MTRES1: variants seen among roughly 807,000 people sequenced by gnomAD.
The protein encoded by MTRES1 is mitochondrial transcription rescue factor 1.
A neutral mutation model predicts 17.4 loss-of-function variants in MTRES1; 11 were observed. The ratio of observed to expected loss-of-function variants is 0.63; its 90% CI spans 0.40 to 1.05. The LOEUF (loss-of-function observed/expected upper bound fraction) is 1.05, where lower values mean the gene tolerates loss of function less well. Among genes scored for constraint, MTRES1 ranks in the 50% least tolerant of loss-of-function variants. MTRES1 has a pLI of 0.00. For synonymous variants in MTRES1, 94 were observed against 99.6 expected, an observed-to-expected ratio of 0.94 and a Z score of 0.34; for missense variants, 268 against 276.2, an observed-to-expected ratio of 0.97 and a Z score of 0.21.
At chr6:107,042,185 A>G (rs1447328773) in intron 2 of MTRES1, among the ~76,000 whole-genome samples, 1 of 151,894 alleles carries the variant, frequency 6.6e-6, no homozygotes, top group South Asian at 2.1e-4. Flanking sequence ...CTAAAAATAC[A>G]AAAAATTGGC....
intron 3 of MTRES1, among the ~76,000 whole-genome samples, chr6:107,050,101 C>A (rs1774543785): frequency 6.6e-6 from 1 of 152,202 alleles, no homozygotes; most frequent in Admixed American, 6.5e-5. Flanking sequence ...TTGGGCTGTC[C>A]ATACCTTCAG....
chr6:107,031,557 C>T (rs1421337124), intron 1 of MTRES1, among the ~76,000 whole-genome samples: 1 of 151,162 alleles, frequency 6.6e-6, no homozygotes, highest in Non-Finnish European at 1.5e-5. Context: ...ATTCTCCTGC[C>T]TCAACCTCCT....
chr6:107,050,698 T>G (rs894365112), intron 3 of MTRES1, among the ~76,000 whole-genome samples: 1 of 151,754 alleles, frequency 6.6e-6, no homozygotes. Flanking sequence ...TGCCACAGCC[T>G]TCCGAGTATT....
chr6:107,040,720 T>G (rs1774171985), intron 2 of MTRES1: 1 of 150,916 alleles, frequency 6.6e-6, no homozygotes, highest in Non-Finnish European at 1.5e-5. Flanking sequence ...AATACAAAAA[T>G]TAGCCGGGCG....
chr6:107,028,627 T>TC (rs1212237402), intron 1 of MTRES1: 1 of 152,334 alleles, frequency 6.6e-6, no homozygotes, highest in East Asian at 1.9e-4. Flanking sequence ...CTCCGAGGTC[T>TC]CCAAGTAAAG....
intron 2 of MTRES1, among the ~76,000 whole-genome samples, chr6:107,042,755 T>C (rs1271758126): frequency 6.6e-6 from 1 of 152,174 alleles, no homozygotes; most frequent in Admixed American, 6.6e-5. Context: ...CCACTCACTT[T>C]GGCTGTTGTG....
intron 2 of MTRES1, among the ~76,000 whole-genome samples, chr6:107,041,764 G>A (rs933198665): frequency 2.0e-5 from 3 of 151,736 alleles, no homozygotes; most frequent in Non-Finnish European, 4.4e-5. Context: ...TCCTGACCTC[G>A]TGATCCACCC....
chr6:107,039,085 C>T (rs1554227245), intron 1 of MTRES1, among the ~76,000 whole-genome samples: 5 of 151,848 alleles, frequency 3.3e-5, no homozygotes, highest in Admixed American at 1.3e-4. Context: ...AAAAAACAAA[C>T]ATAATTGAGA....
At chr6:107,033,771 T>C (rs1554226681) in intron 1 of MTRES1, among the ~76,000 whole-genome samples, 2 of 152,040 alleles carry the variant, frequency 1.3e-5, no homozygotes, top group South Asian at 4.1e-4. Context: ...TGAGCTGAGA[T>C]TGTACCAATG....
intron 1 of MTRES1, among the ~76,000 whole-genome samples, chr6:107,033,600 C>CCT (rs1554226667): frequency 2.6e-5 from 4 of 152,020 alleles, no homozygotes; most frequent in Non-Finnish European, 5.9e-5. Context: ...GGGCAGATCA[C>CCT]GAGGTCAGGA....
chr6:107,037,532 C>T (rs563133651), intron 1 of MTRES1, among the ~76,000 whole-genome samples: 16 of 152,172 alleles, frequency 1.1e-4, no homozygotes, highest in African/African-American at 3.6e-4. Context: ...TTAAAATTAG[C>T]GAGACCTCAT....
At chr6:107,039,659 C>T in intron 1 of MTRES1, 90 bp from the exon 2 acceptor site, 1 of 1,359,074 alleles carries the variant, frequency 7.4e-7, no homozygotes, top group South Asian at 1.5e-5. Context: ...TAGTACTGTA[C>T]ATAAAGCGTT....
At chr6:107,029,885 C>A in intron 1 of MTRES1, 1 of 591,144 alleles carries the variant, frequency 1.7e-6, no homozygotes, top group Admixed American at 3.0e-5. Context: ...GGATTATAGG[C>A]GTGAGCCACC....
At chr6:107,048,839 C>T (rs566563794) in intron 3 of MTRES1, among the ~76,000 whole-genome samples, 1 of 151,886 alleles carries the variant, frequency 6.6e-6, no homozygotes, top group South Asian at 2.1e-4. Flanking sequence ...GGTGGAACCC[C>T]CCCACCCCTG....
chr6:107,032,805 G>GC (rs1773887629), intron 1 of MTRES1, among the ~76,000 whole-genome samples: 1 of 152,208 alleles, frequency 6.6e-6, no homozygotes, highest in South Asian at 2.1e-4. Context: ...CCATTATCAA[G>GC]CAAAAAAATC....
At chr6:107,046,722 G>A (rs976080940) in intron 3 of MTRES1, among the ~76,000 whole-genome samples, 1 of 152,156 alleles carries the variant, frequency 6.6e-6, no homozygotes, top group Non-Finnish European at 1.5e-5. Context: ...CTGGCTGTCT[G>A]CGATTCAGCA....
chr6:107,045,671 T>C (rs1490926784), intron 3 of MTRES1, among the ~76,000 whole-genome samples: 3 of 152,020 alleles, frequency 2.0e-5, no homozygotes, highest in Admixed American at 1.3e-4. Flanking sequence ...ACTTTCATAA[T>C]GGAAAAAACA....
intron 1 of MTRES1, among the ~76,000 whole-genome samples, chr6:107,039,073 TAAAA>T (rs1367233842): frequency 6.6e-6 from 1 of 151,856 alleles, no homozygotes; most frequent in Non-Finnish European, 1.5e-5. Flanking sequence ...TAATAATAAA[TAAAA>T]AAACAAACAT....
At chr6:107,037,170 G>A (rs1554227038) in intron 1 of MTRES1, among the ~76,000 whole-genome samples, 1 of 152,102 alleles carries the variant, frequency 6.6e-6, no homozygotes, top group African/African-American at 2.4e-5. Flanking sequence ...GGAGTGCAGT[G>A]ACACGATCTC....
Sources: gnomAD v4.1 joint callset for allele counts (sites outside exome capture counted in the v4.1 genomes callset) on GRCh38, gnomAD v4.1.1 for gene constraint, MANE v1.5 for transcripts, NCBI Gene and HGNC (gene_info 2026-07-23, HGNC 2026-07-21) for gene names.